CERS6: variants seen among roughly 807,000 people sequenced by gnomAD.
CERS6 encodes the protein ceramide synthase 6.
CERS6 carries 26 observed loss-of-function variants against 56.8 expected under a neutral mutation model. That is an observed-to-expected ratio of 0.46 (90% CI 0.34 to 0.63). The LOEUF (loss-of-function observed/expected upper bound fraction) is 0.63, where lower values mean the gene tolerates loss of function less well. Among genes scored for constraint, CERS6 ranks in the 30% least tolerant of loss-of-function variants. The pLI is 0.01. For synonymous variants in CERS6, 164 were observed against 173.3 expected, an observed-to-expected ratio of 0.95 and a Z score of 0.42; for missense variants, 415 against 467.5, an observed-to-expected ratio of 0.89 and a Z score of 1.04.
intron 1 of CERS6, among the ~76,000 whole-genome samples, chr2:168,547,241 C>G (rs1308692514): frequency 6.6e-6 from 1 of 152,124 alleles, no homozygotes; most frequent in African/African-American, 2.4e-5. Context: ...ATGACTATTG[C>G]TCTGTGTAAG....
chr2:168,771,199 A>G lies in CERS6; in HGVS notation c.*1537A>G. 1 of 138,932 alleles carries G rather than the reference A, an allele frequency of 7.2e-6. No individual in the cohort carries two copies. The highest frequency in any genetic ancestry group is 1.9e-4 in the East Asian group (1 of 5,192). 8.6% of individuals were successfully genotyped at this position (138,932 alleles called of 1,614,324 possible). ...GCTAACAAGCGTGCAGAAACACCAG[A>G]GAGTGCGTATCCTGCTCAGAACCAT... On this transcript the variant is annotated 3_prime_UTR_variant, in exon 10 of 10. Transcript: ENST00000305747.
intron 4 of CERS6, among the ~76,000 whole-genome samples, chr2:168,682,329 C>T (rs1046545909): frequency 2.6e-5 from 4 of 152,032 alleles, no homozygotes; most frequent in Non-Finnish European, 4.4e-5. Context: ...AAATAAAAAT[C>T]CCCTGAAATA....
At chr2:168,677,953 T>C (rs1311273992) in intron 4 of CERS6, among the ~76,000 whole-genome samples, 1 of 152,226 alleles carries the variant, frequency 6.6e-6, no homozygotes, top group Non-Finnish European at 1.5e-5. Context: ...ATGCTCATCA[T>C]CACTGGTCGT....
chr2:168,594,287 A>C (rs947048418), intron 3 of CERS6, among the ~76,000 whole-genome samples: 1 of 152,176 alleles, frequency 6.6e-6, no homozygotes, highest in Non-Finnish European at 1.5e-5. Flanking sequence ...AAATGAAGAT[A>C]CTTGTTATAA....
At chr2:168,490,104 G>A (rs80209599) in intron 1 of CERS6, among the ~76,000 whole-genome samples, 8,410 of 152,170 alleles carry the variant, frequency 0.055, 340 homozygotes, top group East Asian at 0.18. Context: ...GGTCTGTCCC[G>A]TGTGTGCCTC....
chr2:168,692,627 A>G (rs757337092), intron 5 of CERS6, among the ~76,000 whole-genome samples: 1 of 152,152 alleles, frequency 6.6e-6, no homozygotes, highest in Non-Finnish European at 1.5e-5. Context: ...GGGGACTCAG[A>G]TCAAGATTGT....
Position 168,547,688 on chromosome 2 carries a change from C to A in CERS6, c.263C>A (p.Thr88Asn), listed in dbSNP as rs1241162940. The part of the protein sequence containing the change: ...PPNAILEKVF[T>N]AITKHPDEKR... ...AATGCCATTCTGGAAAAGGTCTTCA[C>A]TGCAATTACAAAGGTATGATTGTCC... The change falls in exon 2 of 10, where the codon ACT becomes AAT. Residue 88 changes from threonine to asparagine, a missense_variant. Transcript: ENST00000305747. The A allele has an allele frequency of 6.2e-7, 1 of 1,606,672 alleles. No individual in the cohort carries two copies. The highest frequency in any genetic ancestry group is 8.5e-7 in the Non-Finnish European group (1 of 1,173,158).
chr2:168,579,819 A>G (rs1326109144), intron 3 of CERS6, among the ~76,000 whole-genome samples: 1 of 152,104 alleles, frequency 6.6e-6, no homozygotes, highest in Non-Finnish European at 1.5e-5. Context: ...GCTGCGTGTC[A>G]GTGATGTCAA....
intron 4 of CERS6, among the ~76,000 whole-genome samples, chr2:168,682,713 G>A (rs1339545409): frequency 1.3e-5 from 2 of 152,072 alleles, no homozygotes; most frequent in Non-Finnish European, 2.9e-5. Flanking sequence ...TAAATGCTGC[G>A]GCATCCCTGT....
At chr2:168,677,560 C>T (rs927190847) in intron 4 of CERS6, among the ~76,000 whole-genome samples, 14 of 152,148 alleles carry the variant, frequency 9.2e-5, no homozygotes, top group East Asian at 1.9e-4. Flanking sequence ...TGCAATGGCG[C>T]GATCTTGGCT....
chr2:168,577,568 C>G (rs562549015), intron 3 of CERS6, among the ~76,000 whole-genome samples: 3 of 152,082 alleles, frequency 2.0e-5, no homozygotes, highest in African/African-American at 7.2e-5. Flanking sequence ...ATGGATGATG[C>G]CTGAGAGGAG....
chr2:168,535,341 T>TCA (rs1695240792), intron 1 of CERS6, among the ~76,000 whole-genome samples: 3 of 152,218 alleles, frequency 2.0e-5, no homozygotes, highest in Admixed American at 2.0e-4. Context: ...TGGAATGCGT[T>TCA]CACGAGTGGG....
At chr2:168,611,872 C>T (rs1427749075) in intron 3 of CERS6, among the ~76,000 whole-genome samples, 3 of 151,986 alleles carry the variant, frequency 2.0e-5, no homozygotes, top group Non-Finnish European at 4.4e-5. Flanking sequence ...AGAATGAAGC[C>T]CTCCTTCATT....
At chr2:168,508,916 A>G (rs1368025947) in intron 1 of CERS6, among the ~76,000 whole-genome samples, 1 of 152,180 alleles carries the variant, frequency 6.6e-6, no homozygotes, top group East Asian at 1.9e-4. Context: ...ATTACTGTTA[A>G]GTGTTTTTAG....
At chr2:168,725,118 A>C (rs1683308919) in intron 8 of CERS6, among the ~76,000 whole-genome samples, 1 of 151,892 alleles carries the variant, frequency 6.6e-6, no homozygotes, top group South Asian at 2.1e-4. Context: ...GACCCAGTAC[A>C]CCCTCCGCAG....
At chr2:168,694,248 G>A (rs559644691) in intron 5 of CERS6, among the ~76,000 whole-genome samples, 6 of 152,076 alleles carry the variant, frequency 3.9e-5, no homozygotes, top group Non-Finnish European at 5.9e-5. Context: ...GCCTCTCTGA[G>A]CCTCCCCCCG....
At chr2:168,544,217 ACTGTCTGTCTCT>A (rs1695422133) in intron 1 of CERS6, among the ~76,000 whole-genome samples, 2 of 151,754 alleles carry the variant, frequency 1.3e-5, no homozygotes, top group South Asian at 2.1e-4. Flanking sequence ...TCTCTCTCTC[ACTGTCTGTCTCT>A]GCATCCTCAG....
intron 1 of CERS6, among the ~76,000 whole-genome samples, chr2:168,472,640 C>T (rs1255208782): frequency 6.6e-6 from 1 of 152,056 alleles, no homozygotes; most frequent in Non-Finnish European, 1.5e-5. Flanking sequence ...AAGAGAAAGG[C>T]CATAGTCAGA....
At chr2:168,689,261 A>G (rs1269229871) in intron 4 of CERS6, among the ~76,000 whole-genome samples, 3 of 152,190 alleles carry the variant, frequency 2.0e-5, no homozygotes, top group African/African-American at 7.2e-5. Flanking sequence ...TTGAGGAGAT[A>G]ATCAACTTTA....
Sources: gnomAD v4.1 joint callset for allele counts (sites outside exome capture counted in the v4.1 genomes callset) on GRCh38, gnomAD v4.1.1 for gene constraint, MANE v1.5 for transcripts, NCBI Gene and HGNC (gene_info 2026-07-23, HGNC 2026-07-21) for gene names.